Variants in COLQ observed in about 807,000 individuals in gnomAD.
COLQ encodes collagen like tail subunit of asymmetric acetylcholinesterase, also known as acetylcholinesterase collagenic tail peptide.
COLQ carries 48 observed loss-of-function variants against 69.0 expected under a neutral mutation model. The ratio of observed to expected loss-of-function variants is 0.70; its 90% CI spans 0.55 to 0.88. The LOEUF is 0.88. Among genes scored for constraint, COLQ ranks in the 40% least tolerant of loss-of-function variants. The pLI is 0.00. For synonymous variants in COLQ, 217 were observed against 211.2 expected (o/e 1.03, Z -0.24); for missense variants, 618 against 594.6 (o/e 1.04, Z -0.41).
intron 13 of COLQ, among the ~76,000 whole-genome samples, chr3:15,457,145 AT>A (rs1356814473): frequency 6.6e-6 from 1 of 152,136 alleles, no homozygotes; most frequent in Admixed American, 6.6e-5. Context: ...ATTTTTAAAT[AT>A]TTAAAACGTT....
intron 1 of COLQ, among the ~76,000 whole-genome samples, chr3:15,518,978 G>A (rs1007674573): frequency 2.0e-5 from 3 of 152,122 alleles, no homozygotes; most frequent in African/African-American, 7.2e-5. Context: ...TCTGAATATA[G>A]AATATTTTAT....
intron 12 of COLQ, among the ~76,000 whole-genome samples, chr3:15,459,979 C>T (rs151023725): frequency 2.0e-5 from 3 of 152,214 alleles, no homozygotes; most frequent in African/African-American, 7.2e-5. Flanking sequence ...TCCTCCATCC[C>T]TCCCCAGCTG....
At chr3:15,515,030 G>A (rs2063041036) in intron 1 of COLQ, among the ~76,000 whole-genome samples, 2 of 152,084 alleles carry the variant, frequency 1.3e-5, no homozygotes, top group Non-Finnish European at 2.9e-5. Flanking sequence ...GTACTCTAAG[G>A]GCTAAGCATA....
At chr3:15,498,787 G>A in intron 1 of COLQ, 4 of 1,497,242 alleles carry the variant, frequency 2.7e-6, no homozygotes, top group Non-Finnish European at 3.6e-6. Flanking sequence ...GTAGCAATGG[G>A]TAGGCAGCCC....
In COLQ at chr3:15,483,940, T is replaced by C. The variant is rs922359461; in HGVS notation, c.321+4266A>G. Among the ~76,000 whole-genome samples, 7 of 152,248 alleles carry C rather than the reference T, an allele frequency of 4.6e-5. No individual in the cohort carries two copies. In the East Asian group the frequency reaches 1.2e-3, roughly 25 times the overall value. ...TATTTAGGATAGTTAGCTCTTCTTA[T>C]TGAATTCATCCCTTTACCATTATGT... On this transcript the variant is annotated intron_variant, in intron 3 of 16. Coordinates refer to ENST00000383788, the MANE Select transcript of COLQ (RefSeq NM_005677.4).
chr3:15,480,643 C>T (rs1343896195), intron 3 of COLQ, among the ~76,000 whole-genome samples: 7 of 152,278 alleles, frequency 4.6e-5, no homozygotes, highest in South Asian at 2.1e-4. Context: ...AATAAACATA[C>T]GTGGGCATGT....
intron 3 of COLQ, among the ~76,000 whole-genome samples, chr3:15,483,146 C>A (rs1398274237): frequency 2.0e-5 from 3 of 152,056 alleles, no homozygotes; most frequent in Admixed American, 1.3e-4. Flanking sequence ...TTTTATTGAT[C>A]TTTTCAAAAA....
At chr3:15,510,061 A>C (rs928627829) in intron 1 of COLQ, among the ~76,000 whole-genome samples, 1 of 151,994 alleles carries the variant, frequency 6.6e-6, no homozygotes, top group Non-Finnish European at 1.5e-5. Context: ...CTGTAGTCCC[A>C]GCTACTCGGG....
intron 4 of COLQ, 53 bp downstream of exon 4, chr3:15,479,285 A>G (rs1432607618): frequency 6.3e-7 from 1 of 1,575,490 alleles, no homozygotes; most frequent in East Asian, 2.2e-5. Flanking sequence ...ATGCCCAGAA[A>G]ACAGGCTGGA....
rs564354523 is a variant in COLQ, at chr3:15,476,697, G to A, written c.465+429C>T. ...GAGGAAGGAGATTTCATCAGCACTC[G>A]ACAATCCCTCTCTGAATGTAGGATT... On this transcript the variant is annotated intron_variant, in intron 6 of 16. Transcript: ENST00000383788. 3.3e-5 allele frequency among the ~76,000 whole-genome samples: 5 copies of A among 152,238 alleles called. No homozygotes were observed. The East Asian group carries it at 5.8e-4, about 18-fold the overall frequency.
At chr3:15,481,427 C>G (rs1013815553) in intron 3 of COLQ, among the ~76,000 whole-genome samples, 10 of 152,234 alleles carry the variant, frequency 6.6e-5, no homozygotes, top group Non-Finnish European at 1.2e-4. Context: ...CAGCTTTCTA[C>G]ATATGGCTAG....
Position 15,488,326 on chromosome 3 carries a change from CAG to C in COLQ, c.220-21_220-20del, listed in dbSNP as rs1271923315. On this transcript the variant is annotated intron_variant, in intron 2 of 16. Coordinates refer to ENST00000383788, the MANE Select transcript of COLQ (RefSeq NM_005677.4). Reference sequence around the variant, plus strand: ...AGAGAAGCTTCAGTACAAAGCAACACAGAGTTAGAGGTCAGGCGTAGGGGACA... The same window carrying C: ...AGAGAAGCTTCAGTACAAAGCAACACAGTTAGAGGTCAGGCGTAGGGGACA... 4.4e-6 allele frequency: 7 copies of C among 1,607,344 alleles called. No individual in the cohort carries two copies. The South Asian group carries it at 4.4e-5, about 10-fold the overall frequency.
Position 15,470,606 on chromosome 3 carries a change from C to G in COLQ, c.647G>C (p.Gly216Ala). 1.2e-6 allele frequency: 2 copies of G among 1,614,066 alleles called. No individual in the cohort carries two copies. The highest frequency in any genetic ancestry group is 1.7e-6 in the Non-Finnish European group (2 of 1,180,000). ...PGMLGQKGEM[G>A]PKGEPGIAGH... ...TGCTATCCCAGGTTCACCTTTTGGA[C>G]CCATTTCACCCTGGAAAGAAGGAAA... is the stretch of plus-strand genomic sequence containing the variant. Residue 216 changes from glycine to alanine, a missense_variant, in exon 11 of 17, where the codon GGT becomes GCT. By Grantham distance (60) the Gly-to-Ala change is moderately conservative (BLOSUM62 0). Coordinates refer to ENST00000383788, the MANE Select transcript of COLQ (RefSeq NM_005677.4).
At chr3:15,490,658 C>G (rs947612795) in intron 1 of COLQ, among the ~76,000 whole-genome samples, 2 of 152,186 alleles carry the variant, frequency 1.3e-5, no homozygotes, top group Non-Finnish European at 2.9e-5. Flanking sequence ...TGCTGAACAT[C>G]GCTGATGTTC....
At chr3:15,464,122 A>C (rs1036996578) in intron 12 of COLQ, among the ~76,000 whole-genome samples, 21 of 127,426 alleles carry the variant, frequency 1.6e-4, no homozygotes, top group African/African-American at 6.1e-4. Flanking sequence ...CTGGTATATG[A>C]GGAGTATGAG....
rs963663050 is a variant in COLQ, at chr3:15,473,605, T to TG, written c.636+394dup. Among the ~76,000 whole-genome samples, 51 of 152,332 alleles carry TG rather than the reference T, an allele frequency of 3.3e-4. 1 individual carries two copies. The highest frequency in any genetic ancestry group is 1.2e-3 in the Admixed American group (18 of 15,302). On this transcript the variant is annotated intron_variant, in intron 10 of 16. Coordinates refer to ENST00000383788, the MANE Select transcript of COLQ (RefSeq NM_005677.4). This position sits in a 1 kb window ranked among gnomAD's most constrained non-coding sequence, Gnocchi z 4.0. ...ACAGTGACCTTAAGCTAAAGACACC[T>TG]GTGCCTTACACTGAGGCCTGTGTGC...
intron 12 of COLQ, among the ~76,000 whole-genome samples, chr3:15,460,172 A>G (rs1457324231): frequency 6.6e-6 from 1 of 152,242 alleles, no homozygotes; most frequent in African/African-American, 2.4e-5. Context: ...GATCTCCAGT[A>G]GAATGTCGCT....
intron 8 of COLQ, among the ~76,000 whole-genome samples, chr3:15,474,695 C>T (rs1277577988): frequency 6.6e-6 from 1 of 152,226 alleles, no homozygotes; most frequent in Non-Finnish European, 1.5e-5. Context: ...TTATGTGCTC[C>T]ACACGAGGGG....
In COLQ at chr3:15,467,705, T is replaced by C. The variant is rs878946; in HGVS notation, c.718-1268A>G. ...CCTCAGGCCTAATCAGAGCAGTGAT[T>C]GACACTTGCCATTTTTGACCTGGTT... is the stretch of plus-strand genomic sequence containing the variant. On this transcript the variant is annotated intron_variant, in intron 11 of 16. Coordinates refer to ENST00000383788, the MANE Select transcript of COLQ (RefSeq NM_005677.4). 177,879 of 377,992 alleles carry C rather than the reference T, an allele frequency of 0.47. 43,239 individuals carry two copies. The highest frequency in any genetic ancestry group is 0.62 in the East Asian group (8,579 of 13,800). 23.4% of individuals were successfully genotyped at this position (377,992 alleles called of 1,614,324 possible).
Sources: allele counts gnomAD v4.1 joint callset (sites outside exome capture counted in the v4.1 genomes callset), GRCh38; gene constraint gnomAD v4.1.1; non-coding constraint Gnocchi (gnomAD v3.1); transcripts MANE v1.5; gene names NCBI Gene and HGNC (gene_info 2026-07-23, HGNC 2026-07-21).